Variants in AIM2 observed in about 807,000 individuals in gnomAD.
AIM2 encodes interferon-inducible protein AIM2.
In AIM2, 30 loss-of-function variants were observed where a neutral mutation model predicts 27.7. The ratio of observed to expected loss-of-function variants is 1.08; its 90% confidence interval spans 0.81 to 1.47. AIM2 has a LOEUF of 1.47. Among genes scored for constraint, AIM2 ranks in the 40% most tolerant of loss-of-function variants. AIM2 has a pLI of 0.00. For synonymous variants in AIM2, 141 were observed against 145.3 expected, an observed-to-expected ratio of 0.97 and a Z score of 0.21; for missense variants, 358 against 411.3, an observed-to-expected ratio of 0.87 and a Z score of 1.12.
chr1:159,073,182 A>C (rs775929426), intron 2 of AIM2, 56 bp downstream of exon 2: 23 of 1,599,088 alleles, frequency 1.4e-5, no homozygotes, highest in Non-Finnish European at 1.9e-5. Flanking sequence ...CCATGAAAGG[A>C]AAGGCCCAGG....
At chr1:159,110,195 G>A (rs1162207524) in intron 1 of AIM2, among the ~76,000 whole-genome samples, 2 of 152,140 alleles carry the variant, frequency 1.3e-5, no homozygotes, top group South Asian at 2.1e-4. Flanking sequence ...AGAGACTGTA[G>A]TATATATACA....
At chr1:159,074,568 A>G (rs958106817) in intron 1 of AIM2, among the ~76,000 whole-genome samples, 1 of 152,146 alleles carries the variant, frequency 6.6e-6, no homozygotes, top group Non-Finnish European at 1.5e-5. Context: ...ACGTTGTAGT[A>G]ATATAGTTGT....
intron 1 of AIM2, among the ~76,000 whole-genome samples, chr1:159,128,284 C>A (rs1647775245): frequency 6.6e-6 from 1 of 151,836 alleles, no homozygotes; most frequent in South Asian, 2.1e-4. Context: ...CACACACACA[C>A]ACACACCACC....
chr1:159,140,914 T>C (rs1162812290), upstream of AIM2, among the ~76,000 whole-genome samples: 2 of 152,198 alleles, frequency 1.3e-5, no homozygotes, highest in East Asian at 3.8e-4. Context: ...TACAAACTTT[T>C]CACAGTAAAT....
At chr1:159,099,179 G>A (rs1419159412) in intron 1 of AIM2, among the ~76,000 whole-genome samples, 2 of 152,146 alleles carry the variant, frequency 1.3e-5, no homozygotes, top group African/African-American at 4.8e-5. Flanking sequence ...AGTGAAGACA[G>A]GTGGACTAAT....
intron 1 of AIM2, among the ~76,000 whole-genome samples, chr1:159,117,224 C>A (rs1054982747): frequency 2.6e-5 from 4 of 151,660 alleles, no homozygotes; most frequent in Admixed American, 2.0e-4. Context: ...TGTGTGCGCA[C>A]GAGAGAGAAA....
At chr1:159,081,389 A>T (rs1205459172), upstream of AIM2, 21 of 326,722 alleles carry the variant, frequency 6.4e-5, no homozygotes, top group Non-Finnish European at 1.2e-4. Context: ...AAACTTTCTA[A>T]ATTTTCAAAA....
chr1:159,145,512 G>A (rs1056774770), intron 1 of AIM2, among the ~76,000 whole-genome samples: 2 of 152,122 alleles, frequency 1.3e-5, no homozygotes, highest in Admixed American at 6.5e-5. Flanking sequence ...ATCAAGCCAA[G>A]GAAAGACAAA....
In AIM2 at chr1:159,132,887, T is replaced by G. The variant is rs541160251; in HGVS notation, c.-16+7544A>C. The stretch of plus-strand genomic sequence containing the variant: ...CTCCACAGTAACTAATCCAAATTTC[T>G]CTGTTGTTTTCAAACATCCAACACC... On this transcript the variant is annotated intron_variant, in intron 1 of 2. Coordinates refer to the AIM2 transcript ENST00000368129. Among the ~76,000 whole-genome samples the G allele has an allele frequency of 9.3e-4, 141 of 152,342 alleles. 1 individual carries two copies. Among genetic ancestry groups the G allele is most frequent in the African/African-American group, 3.2e-3 (131 of 41,574 alleles).
At chr1:159,099,366 T>C (rs1223693636) in intron 1 of AIM2, among the ~76,000 whole-genome samples, 7 of 152,126 alleles carry the variant, frequency 4.6e-5, no homozygotes, top group African/African-American at 9.7e-5. Context: ...GGAGCGGCCA[T>C]AGAACTGGGT....
chr1:159,102,098 C>G (rs189809845), intron 1 of AIM2, among the ~76,000 whole-genome samples: 98 of 152,284 alleles, frequency 6.4e-4, no homozygotes, highest in South Asian at 3.3e-3. Flanking sequence ...ACCAGGTGCC[C>G]CCTGCTCTAT....
chr1:159,126,436 A>G lies in AIM2; in HGVS notation c.-16+13995T>C, dbSNP rs1015737712. ...GCTGAGGGGGGCGGATCACGAGGTC[A>G]GGAGATCGAGACCATCCTGGCTAAC... On this transcript the variant is annotated intron_variant, in intron 1 of 2. Transcript: ENST00000368129. Among the ~76,000 whole-genome samples, 13 of 152,160 alleles carry G rather than the reference A, an allele frequency of 8.5e-5. 1 individual carries two copies. The highest frequency in any genetic ancestry group is 3.1e-4 in the African/African-American group (13 of 41,436).
intron 1 of AIM2, among the ~76,000 whole-genome samples, chr1:159,110,066 C>A (rs905938762): frequency 2.6e-5 from 4 of 152,028 alleles, no homozygotes; most frequent in Non-Finnish European, 4.4e-5. Flanking sequence ...GGGTATCTAC[C>A]CAGAAGAAAA....
chr1:159,095,079 C>A (rs1325099473), intron 1 of AIM2, among the ~76,000 whole-genome samples: 1 of 152,176 alleles, frequency 6.6e-6, no homozygotes, highest in East Asian at 1.9e-4. Flanking sequence ...ATAATCCCAT[C>A]ATCCAGAGAG....
chr1:159,127,260 A>G (rs1647718290), intron 1 of AIM2, among the ~76,000 whole-genome samples: 1 of 152,216 alleles, frequency 6.6e-6, no homozygotes, highest in African/African-American at 2.4e-5. Flanking sequence ...TATACATTCC[A>G]TATACCCTAG....
chr1:159,069,584 C>T (rs1656263791), intron 2 of AIM2, among the ~76,000 whole-genome samples: 1 of 151,656 alleles, frequency 6.6e-6, no homozygotes, highest in Non-Finnish European at 1.5e-5. Flanking sequence ...ACTCCGTCAC[C>T]CAAGCTGGAG....
intron 1 of AIM2, among the ~76,000 whole-genome samples, chr1:159,082,530 C>T (rs1656802670): frequency 2.0e-5 from 3 of 151,972 alleles, no homozygotes; most frequent in Admixed American, 2.0e-4. Context: ...AAGGTCTTGC[C>T]ATGTTGCCAA....
intron 1 of AIM2, among the ~76,000 whole-genome samples, chr1:159,119,862 C>T (rs1647485015): frequency 6.6e-6 from 1 of 151,752 alleles, no homozygotes; most frequent in Non-Finnish European, 1.5e-5. Flanking sequence ...CTCTCTTTTT[C>T]TCCACATATG....
chr1:159,083,351 T>C (rs1299227230), intron 1 of AIM2, among the ~76,000 whole-genome samples: 1 of 151,980 alleles, frequency 6.6e-6, no homozygotes, highest in Non-Finnish European at 1.5e-5. Flanking sequence ...GATAATGGAG[T>C]GGCTAAAATT....
Sources: gnomAD v4.1 joint callset for allele counts (sites outside exome capture counted in the v4.1 genomes callset) on GRCh38, gnomAD v4.1.1 for gene constraint, MANE v1.5 for transcripts, NCBI Gene and HGNC (gene_info 2026-07-23, HGNC 2026-07-21) for gene names.